Variants in SUZ12 observed in about 807,000 individuals in gnomAD.
SUZ12 encodes the protein SUZ12 polycomb repressive complex 2 subunit, also known as polycomb protein SUZ12.
In SUZ12, 17 loss-of-function variants were observed where a neutral mutation model predicts 87.3. The ratio of observed to expected loss-of-function variants is 0.19; its 90% CI spans 0.13 to 0.29. The LOEUF is 0.29. Among genes scored for constraint, SUZ12 ranks in the 10% least tolerant of loss-of-function variants. The pLI is 1.00. For missense variants in SUZ12, 526 were observed against 912.2 expected (o/e 0.58, Z 5.45); for synonymous variants, 253 against 312.4 (o/e 0.81, Z 2.01).
rs1449015260 is a variant in SUZ12 at position 31,951,944 on chromosome 17, T to G, written c.455+4259T>G. On this transcript the variant is annotated intron_variant, in intron 4 of 15. Coordinates refer to ENST00000322652, the MANE Select transcript of SUZ12 (RefSeq NM_015355.4). Reference sequence around the variant, plus strand: ...CATGCCCTACCACGTCCAACTAATTTTTGTATTTTTAGTAGAGACAGGGTT... The same window carrying G: ...CATGCCCTACCACGTCCAACTAATTGTTGTATTTTTAGTAGAGACAGGGTT... Among the ~76,000 whole-genome samples, 6 of 151,974 alleles carry G rather than the reference T, an allele frequency of 3.9e-5. 1 individual carries two copies. The highest frequency in any genetic ancestry group is 1.5e-4 in the African/African-American group (6 of 41,370).
At chr17:31,954,978 G>A (rs1289900796) in intron 4 of SUZ12, among the ~76,000 whole-genome samples, 1 of 152,204 alleles carries the variant, frequency 6.6e-6, no homozygotes, top group Non-Finnish European at 1.5e-5. Flanking sequence ...TCGTTTGTTC[G>A]TTCTTTTTGT....
intron 8 of SUZ12, among the ~76,000 whole-genome samples, chr17:31,980,905 A>G (rs1909065755): frequency 1.3e-5 from 2 of 152,042 alleles, no homozygotes; most frequent in Non-Finnish European, 2.9e-5. Flanking sequence ...AGTGGCTCAC[A>G]CTTGTAATCT....
At chr17:31,985,989 A>G (rs773740389) in intron 9 of SUZ12, among the ~76,000 whole-genome samples, 15 of 150,418 alleles carry the variant, frequency 1.0e-4, no homozygotes, top group Non-Finnish European at 1.2e-4. Flanking sequence ...TTCTGTTGAG[A>G]TGGAGTCTCG....
intron 4 of SUZ12, among the ~76,000 whole-genome samples, chr17:31,949,739 G>A (rs1390435048): frequency 8.6e-6 from 1 of 116,718 alleles, no homozygotes; most frequent in African/African-American, 3.3e-5. Context: ...AGGCTGGAGT[G>A]CAGTGGCGCG....
At chr17:31,996,929 T>C (rs1424705520) in intron 15 of SUZ12, 52 bp downstream of exon 15, 1 of 1,121,454 alleles carries the variant, frequency 8.9e-7, no homozygotes. Context: ...TATGGTCTTT[T>C]GCTGTTTCAC....
intron 4 of SUZ12, among the ~76,000 whole-genome samples, chr17:31,953,352 C>G (rs1255268160): frequency 1.3e-5 from 2 of 152,134 alleles, no homozygotes; most frequent in Non-Finnish European, 2.9e-5. Flanking sequence ...CTCAGGTGGT[C>G]CATCCGCCTC....
chr17:31,950,773 T>A (rs1414266334), intron 4 of SUZ12, among the ~76,000 whole-genome samples: 1 of 151,944 alleles, frequency 6.6e-6, no homozygotes. Context: ...GTATCTCTCC[T>A]CCATTTATGT....
chr17:31,970,577 G>A (rs980042575), intron 5 of SUZ12, among the ~76,000 whole-genome samples: 23 of 152,060 alleles, frequency 1.5e-4, no homozygotes, highest in African/African-American at 5.1e-4. Context: ...GCAGGGAGCC[G>A]AGATTGTGCC....
chr17:31,993,255 A>G lies in SUZ12; in HGVS notation c.1215A>G (p.Ser405=). ...GTATGTTTTCAGCTGTTAAAGAATC[A>G]TTGACTACAGATCTACAAACAAGAA... is the stretch of plus-strand genomic sequence containing the variant. ...KPTQTIAVKE[S]LTTDLQTRKE... The change falls in exon 11 of 16, where the codon TCA becomes TCG. Residue 405 remains serine, a synonymous_variant. Coordinates refer to ENST00000322652, the MANE Select transcript of SUZ12 (RefSeq NM_015355.4). 3 of 1,574,122 alleles carry G rather than the reference A, an allele frequency of 1.9e-6. No homozygotes were observed. The highest frequency in any genetic ancestry group is 2.6e-6 in the Non-Finnish European group (3 of 1,168,492).
intron 3 of SUZ12, among the ~76,000 whole-genome samples, chr17:31,940,712 T>TA (rs1408080971): frequency 6.6e-6 from 1 of 151,832 alleles, no homozygotes; most frequent in East Asian, 1.9e-4. Flanking sequence ...TTTTTTTTTT[T>TA]ATCCTCTAAT....
intron 5 of SUZ12, among the ~76,000 whole-genome samples, chr17:31,968,453 A>G (rs1908223571): frequency 6.6e-6 from 1 of 152,090 alleles, no homozygotes; most frequent in Non-Finnish European, 1.5e-5. Flanking sequence ...GCTGGTCTCA[A>G]ACTCCTGGTC....
At chr17:31,948,222 G>A (rs2627068) in intron 4 of SUZ12, among the ~76,000 whole-genome samples, 4 of 151,530 alleles carry the variant, frequency 2.6e-5, no homozygotes, top group Admixed American at 6.6e-5. Flanking sequence ...GAATCTACTT[G>A]TTGTACATTA....
At chr17:31,992,940 C>G (rs1293267348) in intron 10 of SUZ12, among the ~76,000 whole-genome samples, 2 of 151,876 alleles carry the variant, frequency 1.3e-5, no homozygotes, top group Non-Finnish European at 1.5e-5. Context: ...CTCCTGACAT[C>G]GTAATCCTCC....
At chr17:31,976,785 ATAAT>A (rs2142180861) in intron 8 of SUZ12, among the ~76,000 whole-genome samples, 171 bp downstream of exon 8, 1 of 152,366 alleles carries the variant, frequency 6.6e-6, no homozygotes, top group Non-Finnish European at 1.5e-5. Flanking sequence ...ATAGAAAACA[ATAAT>A]TAAGGAACTA....
chr17:31,970,141 A>G (rs1199105322), intron 5 of SUZ12, among the ~76,000 whole-genome samples: 1 of 152,218 alleles, frequency 6.6e-6, no homozygotes, highest in African/African-American at 2.4e-5. Context: ...GCTTCTTAGA[A>G]TGAATACACA....
intron 5 of SUZ12, chr17:31,967,105 A>G (rs1254557598): frequency 6.6e-6 from 1 of 152,044 alleles, no homozygotes; most frequent in African/African-American, 2.4e-5. Context: ...AGACTTAGGC[A>G]GAAGAATCAC....
rs1910157073 is a variant in SUZ12, at chr17:31,999,626, C to G, written c.*623C>G. On this transcript the variant is annotated 3_prime_UTR_variant, in exon 16 of 16. Transcript: ENST00000322652. ...AAAAATAGCACTTCTTCATCTTATG[C>G]CTGTTTGAGAAGATATTAAATTTTC... 4.3e-6 allele frequency: 1 copy of G among 231,512 alleles called. No homozygotes were observed. The highest frequency in any genetic ancestry group is 8.5e-6 in the Non-Finnish European group (1 of 117,120). 14.3% of individuals were successfully genotyped at this position (231,512 alleles called of 1,614,324 possible). A position where few individuals can be genotyped will look rare whatever the true frequency, so the allele number is the denominator to read the frequency against.
chr17:31,999,175 A>G lies in SUZ12; in HGVS notation c.*172A>G. The G allele has an allele frequency of 3.9e-6, 2 of 506,402 alleles. No individual in the cohort carries two copies. Among genetic ancestry groups the G allele is most frequent in the Middle Eastern group, 5.2e-4 (1 of 1,918 alleles). 31.4% of individuals were successfully genotyped at this position (506,402 alleles called of 1,614,324 possible). On this transcript the variant is annotated 3_prime_UTR_variant, in exon 16 of 16. Coordinates refer to ENST00000322652, the MANE Select transcript of SUZ12 (RefSeq NM_015355.4). ...AGGGTTCTACTTCACTTCATTATGC[A>G]GCATTACATGTATATCACTTTTATT...
At chr17:31,943,548 A>C (rs1281419319) in intron 3 of SUZ12, among the ~76,000 whole-genome samples, 1 of 152,144 alleles carries the variant, frequency 6.6e-6, no homozygotes, top group Non-Finnish European at 1.5e-5. Flanking sequence ...TCTGTAATCA[A>C]ATCGATTGCT....
Sources: gnomAD v4.1 joint callset for allele counts (sites outside exome capture counted in the v4.1 genomes callset) on GRCh38, gnomAD v4.1.1 for gene constraint, MANE v1.5 for transcripts, NCBI Gene and HGNC (gene_info 2026-07-23, HGNC 2026-07-21) for gene names.